Variants in PDILT observed in about 807,000 individuals in gnomAD.
The protein encoded by PDILT is protein disulfide-isomerase-like protein of the testis.
In PDILT, 43 loss-of-function variants were observed where a neutral mutation model predicts 53.7. That is an observed-to-expected ratio of 0.80 (90% CI 0.63 to 1.03). The LOEUF is 1.03. Ranked by LOEUF, PDILT falls within the 50% of genes least tolerant of loss-of-function variation. The pLI is 0.00. For synonymous variants in PDILT, 282 were observed against 274.2 expected (o/e 1.03, Z -0.28); for missense variants, 727 against 712.3 (o/e 1.02, Z -0.24).
intron 8 of PDILT, among the ~76,000 whole-genome samples, chr16:20,367,076 T>A (rs1240320555): frequency 1.5e-5 from 2 of 132,758 alleles, no homozygotes; most frequent in African/African-American, 3.1e-5. Flanking sequence ...TCTTTCTTTC[T>A]TTCTTTCTTT....
intron 3 of PDILT, among the ~76,000 whole-genome samples, chr16:20,377,643 T>G (rs533901390): frequency 6.6e-6 from 1 of 152,286 alleles, no homozygotes; most frequent in East Asian, 1.9e-4. Flanking sequence ...GAGGAAATTA[T>G]GGATGAGCTG....
In PDILT at chr16:20,376,206, A is replaced by T; in HGVS notation, c.410-5T>A. ...AGGCAGCAGATTCAACCACTCCTGG[A>T]GAAAGACACAGTCAAATAGATACCA... On this transcript the variant is annotated splice_region_variant and splice_polypyrimidine_tract_variant and intron_variant, in intron 3 of 11. Coordinates refer to ENST00000302451, the MANE Select transcript of PDILT (RefSeq NM_174924.2). 6.2e-7 allele frequency: 1 copy of T among 1,614,106 alleles called. No individual in the cohort carries two copies. The highest frequency in any genetic ancestry group is 8.5e-7 in the Non-Finnish European group (1 of 1,179,994).
At chr16:20,379,127 C>A (rs1004664391) in intron 3 of PDILT, among the ~76,000 whole-genome samples, 1 of 152,166 alleles carries the variant, frequency 6.6e-6, no homozygotes, top group African/African-American at 2.4e-5. Flanking sequence ...CATCCTCCCA[C>A]CTCAGCCCCC....
chr16:20,395,046 T>C (rs1259434883), intron 2 of PDILT, among the ~76,000 whole-genome samples: 1 of 152,226 alleles, frequency 6.6e-6, no homozygotes, highest in Non-Finnish European at 1.5e-5. Context: ...GTAATACATA[T>C]ATAATTTATT....
intron 5 of PDILT, among the ~76,000 whole-genome samples, chr16:20,374,100 T>C (rs1462703784): frequency 6.6e-6 from 1 of 151,386 alleles, no homozygotes; most frequent in African/African-American, 2.4e-5. Flanking sequence ...CTTGCCACCA[T>C]GCTTGAATAA....
At chr16:20,386,601 C>A (rs1355245860) in intron 2 of PDILT, among the ~76,000 whole-genome samples, 1 of 152,206 alleles carries the variant, frequency 6.6e-6, no homozygotes, top group South Asian at 2.1e-4. Context: ...AGTGAATGAT[C>A]GCTTTCATTA....
chr16:20,362,411 G>C lies in PDILT; in HGVS notation c.1409C>G (p.Ser470Cys). 6.2e-7 allele frequency: 1 copy of C among 1,614,146 alleles called. No homozygotes were observed. The highest frequency in any genetic ancestry group is 1.1e-5 in the South Asian group (1 of 91,066). Reference protein sequence around the residue: ...YPFFRLFPSGSQQAVLYKGEH... With the variant: ...YPFFRLFPSGCQQAVLYKGEH... ...GTCCCAAGAGCCCCTCACTTGTTGA[G>C]AGCCGCTGGGGAACAGCCTGAAGAA... Residue 470 changes from serine to cysteine, a missense_variant, in exon 10 of 12, where the codon TCT (serine) becomes TGT (cysteine). Coordinates refer to ENST00000302451, the MANE Select transcript of PDILT (RefSeq NM_174924.2).
intron 1 of PDILT, among the ~76,000 whole-genome samples, chr16:20,402,809 T>G (rs1308264297): frequency 2.0e-5 from 3 of 152,146 alleles, no homozygotes; most frequent in African/African-American, 7.2e-5. Context: ...GACTGTAGCA[T>G]CCACCCTGTC....
chr16:20,388,908 A>T (rs1966572607), intron 2 of PDILT: 1 of 148,376 alleles, frequency 6.7e-6, no homozygotes, highest in African/African-American at 2.5e-5. Flanking sequence ...GCAAAACTTC[A>T]TCTCAAAAAA....
chr16:20,389,387 G>A (rs1468398709), intron 2 of PDILT, among the ~76,000 whole-genome samples: 1 of 152,142 alleles, frequency 6.6e-6, no homozygotes, highest in African/African-American at 2.4e-5. Context: ...GACAAGGTGT[G>A]CAAAACTTTG....
intron 3 of PDILT, among the ~76,000 whole-genome samples, chr16:20,380,549 G>A (rs1025515249): frequency 1.1e-4 from 17 of 152,146 alleles, no homozygotes; most frequent in Non-Finnish European, 2.5e-4. Context: ...TCTTGGCCAA[G>A]CTGGTCTTGA....
chr16:20,393,843 T>C (rs911153530), intron 2 of PDILT, among the ~76,000 whole-genome samples: 2 of 152,208 alleles, frequency 1.3e-5, no homozygotes, highest in African/African-American at 2.4e-5. Context: ...TTCAGCCAAT[T>C]GTCACCTTGC....
intron 8 of PDILT, 92 bp from the exon 9 acceptor site, chr16:20,365,632 T>G: frequency 1.4e-6 from 2 of 1,466,976 alleles, no homozygotes; most frequent in Non-Finnish European, 1.9e-6. Context: ...CTAAAGGTTT[T>G]CTCGTGTTTT....
intron 1 of PDILT, among the ~76,000 whole-genome samples, chr16:20,403,849 C>G (rs769840458): frequency 6.6e-6 from 1 of 152,030 alleles, no homozygotes; most frequent in African/African-American, 2.4e-5. Context: ...ACACCCTACC[C>G]GGGGCCTTTG....
chr16:20,401,408 G>A (rs552472937), intron 1 of PDILT, among the ~76,000 whole-genome samples: 1 of 152,344 alleles, frequency 6.6e-6, no homozygotes, highest in African/African-American at 2.4e-5. Context: ...CAAAGTACTA[G>A]AGAGTTAGTT....
At position 20,376,205 on chromosome 16, in the gene PDILT, G is replaced by T; in HGVS notation, c.410-4C>A. 1 of 1,614,014 alleles carries T rather than the reference G, an allele frequency of 6.2e-7. No individual in the cohort carries two copies. The highest frequency in any genetic ancestry group is 1.7e-5 in the Admixed American group (1 of 59,996). ...AAGGCAGCAGATTCAACCACTCCTG[G>T]AGAAAGACACAGTCAAATAGATACC... is the stretch of plus-strand genomic sequence containing the variant. On this transcript the variant is annotated splice_region_variant and splice_polypyrimidine_tract_variant and intron_variant, in intron 3 of 11. Transcript: ENST00000302451.
chr16:20,387,713 C>T (rs781778517), intron 2 of PDILT, among the ~76,000 whole-genome samples: 27 of 151,806 alleles, frequency 1.8e-4, no homozygotes, highest in Admixed American at 3.9e-4. Context: ...CTCCACCTCC[C>T]GGGTTCAAGT....
chr16:20,401,632 A>G (rs1966741442), intron 1 of PDILT, among the ~76,000 whole-genome samples: 1 of 152,084 alleles, frequency 6.6e-6, no homozygotes, highest in Non-Finnish European at 1.5e-5. Context: ...AGATTGTGAG[A>G]CCATCTCTGA....
At chr16:20,382,385 T>C (rs1036482167) in intron 3 of PDILT, among the ~76,000 whole-genome samples, 2 of 152,224 alleles carry the variant, frequency 1.3e-5, no homozygotes, top group African/African-American at 4.8e-5. Flanking sequence ...AATAAAACTT[T>C]ATTGGAACAC....
Sources: gnomAD v4.1 joint callset for allele counts (sites outside exome capture counted in the v4.1 genomes callset) on GRCh38, gnomAD v4.1.1 for gene constraint, MANE v1.5 for transcripts, NCBI Gene and HGNC (gene_info 2026-07-23, HGNC 2026-07-21) for gene names.